The following CASR variants were observed in gnomAD, a reference collection of about 807,000 sequenced individuals.
CASR encodes the protein extracellular calcium-sensing receptor.
In CASR, 23 loss-of-function variants were observed where a neutral mutation model predicts 69.1. The observed-to-expected ratio is 0.33, with a 90% CI of 0.24 to 0.47. The LOEUF is 0.47. Ranked by LOEUF, CASR falls within the 20% of genes least tolerant of loss-of-function variation. The probability of loss-of-function intolerance (pLI) is 1.00; values close to 1 mark genes in which losing one functional copy is unlikely to be tolerated. For missense variants in CASR, 924 were observed against 1,356.1 expected (o/e 0.68, Z 5.00); for synonymous variants, 541 against 544.7 (o/e 0.99, Z 0.10).
At chr3:122,283,580 T>G in intron 6 of CASR, 107 bp from the exon 7 acceptor site, 1 of 842,356 alleles carries the variant, frequency 1.2e-6, no homozygotes, top group Non-Finnish European at 2.0e-6. Flanking sequence ...GGAGAAAATA[T>G]GTAGTGACCA....
rs149747708 is a variant in CASR, at chr3:122,269,818, C to T, written c.1378-5994C>T. 5.3e-5 allele frequency among the ~76,000 whole-genome samples: 8 copies of T among 151,070 alleles called. No individual in the cohort carries two copies. In the East Asian group the frequency reaches 7.7e-4, roughly 15 times the overall value. Reference sequence around the variant, plus strand: ...TTGGCAGCACTCATCAGTGAAGCCACCTTTAGTTGGTTTTCTTTGTGGGAT... The same window carrying T: ...TTGGCAGCACTCATCAGTGAAGCCATCTTTAGTTGGTTTTCTTTGTGGGAT... On this transcript the variant is annotated intron_variant, in intron 4 of 6. Coordinates refer to ENST00000639785, the MANE Select transcript of CASR (RefSeq NM_000388.4).
rs2074953862 is a variant in CASR at position 122,285,078 on chromosome 3, C to T, written c.3124C>T (p.Pro1042Ser). 6.2e-7 allele frequency: 1 copy of T among 1,614,196 alleles called. No homozygotes were observed. Among genetic ancestry groups the T allele is most frequent in the Non-Finnish European group, 8.5e-7 (1 of 1,180,024 alleles). Reference protein sequence around the residue: ...LQGPVGGDQRPEVEDPEELSP... With the variant: ...LQGPVGGDQRSEVEDPEELSP... ...AGGACCTGTGGGTGGAGACCAGCGG[C>T]CAGAGGTGGAGGACCCTGAAGAGTT... Residue 1042 changes from proline (P) to serine (S), a missense_variant, in exon 7 of 7, where the codon CCA (proline) becomes TCA (serine). By Grantham distance (74) the Pro-to-Ser change is moderately conservative (BLOSUM62 -1). Transcript: ENST00000639785.
chr3:122,266,446 T>C (rs945135492), intron 4 of CASR, among the ~76,000 whole-genome samples: 2 of 152,074 alleles, frequency 1.3e-5, no homozygotes, highest in African/African-American at 2.4e-5. Flanking sequence ...TTTTGTTTTT[T>C]TGAGGCAGAG....
intron 4 of CASR, among the ~76,000 whole-genome samples, chr3:122,266,766 A>G (rs1437481105): frequency 6.6e-6 from 1 of 152,146 alleles, no homozygotes; most frequent in Non-Finnish European, 1.5e-5. Context: ...ACACTTTGGG[A>G]GGCCACAGTG....
chr3:122,190,961 C>A (rs2073834059), intron 1 of CASR, among the ~76,000 whole-genome samples: 1 of 152,224 alleles, frequency 6.6e-6, no homozygotes, highest in Admixed American at 6.5e-5. Context: ...GTTAACGTTG[C>A]TGATTCTACT....
intron 1 of CASR, among the ~76,000 whole-genome samples, chr3:122,202,596 C>T (rs1196409328): frequency 6.6e-6 from 1 of 152,140 alleles, no homozygotes; most frequent in Non-Finnish European, 1.5e-5. Context: ...ATTTACATTG[C>T]TGTAACTATC....
In CASR at chr3:122,262,368, A is replaced by G. The variant is rs12493789; in HGVS notation, c.1333A>G (p.Thr445Ala). Reference sequence around the variant, plus strand: ...CTGCTTACCTGGGAGAGGGCTCTTCACCAATGGCTCCTGTGCAGACATCAA... The same window carrying G: ...CTGCTTACCTGGGAGAGGGCTCTTCGCCAATGGCTCCTGTGCAGACATCAA... ...YTCLPGRGLF[T>A]NGSCADIKKV... Residue 445 changes from threonine (T) to alanine (A), a missense_variant, in exon 4 of 7, where the codon ACC becomes GCC. Physicochemically the swap from Thr to Ala is moderately conservative, Grantham distance 58. Coordinates refer to ENST00000639785, the MANE Select transcript of CASR (RefSeq NM_000388.4). 8.0e-3 allele frequency: 12,870 copies of G among 1,613,882 alleles called. 1,513 individuals carry two copies. The Admixed American group carries it at 0.2, about 25-fold the overall frequency.
At chr3:122,256,986 C>A in intron 2 of CASR, 95 bp from the exon 3 acceptor site, 1 of 990,186 alleles carries the variant, frequency 1.0e-6, no homozygotes, top group Non-Finnish European at 1.6e-6. Context: ...AGAGTAGTAA[C>A]AGTTCGATGA....
Position 122,285,742 on chromosome 3 carries a change from A to C in CASR, c.*551A>C. 1 of 172,274 alleles carries C rather than the reference A, an allele frequency of 5.8e-6. No individual in the cohort carries two copies. The highest frequency in any genetic ancestry group is 1.4e-4 in the East Asian group (1 of 7,018). The allele number at this position is 172,274 out of a possible 1,614,324, so 10.7% of individuals were successfully genotyped here. A position where few individuals can be genotyped will look rare whatever the true frequency, so the allele number is the denominator to read the frequency against. ...ATTATGTAACATCCAGAAGGTTTGCACCCCTCCTATACCATATGTCTGCTT... is the reference window on the plus strand; with the variant it reads ...ATTATGTAACATCCAGAAGGTTTGCCCCCCTCCTATACCATATGTCTGCTT... On this transcript the variant is annotated 3_prime_UTR_variant, in exon 7 of 7. Coordinates refer to ENST00000639785, the MANE Select transcript of CASR (RefSeq NM_000388.4).
At position 122,289,000 on chromosome 3, in the gene CASR, T is replaced by C. The variant is rs932146419; in HGVS notation, c.*3809T>C. The C allele has an allele frequency of 3.3e-5, 5 of 152,170 alleles. No individual in the cohort carries two copies. Among genetic ancestry groups the C allele is most frequent in the Non-Finnish European group, 5.9e-5 (4 of 68,030 alleles). The allele number at this position is 152,170 out of a possible 1,614,324, so 9.4% of individuals were successfully genotyped here. On this transcript the variant is annotated 3_prime_UTR_variant, in exon 7 of 7. Transcript: ENST00000639785. Reference sequence around the variant, plus strand: ...CTATGATCGTCACACGTTGTCTAATTGCATTAATTTTGATTTTGGGGAAGT... The same window carrying C: ...CTATGATCGTCACACGTTGTCTAATCGCATTAATTTTGATTTTGGGGAAGT...
rs758877487 is a variant in CASR, at chr3:122,257,228, C to T, written c.333C>T (p.Thr111=). ...CNTVSKALEA[T]LSFVAQNKID... ...CCGTTTCTAAGGCCTTGGAAGCCAC[C>T]CTGAGTTTTGTTGCTCAAAACAAAA... Residue 111 remains threonine, a synonymous_variant, in exon 3 of 7, where the codon ACC becomes ACT. Transcript: ENST00000639785. 1.9e-6 allele frequency: 3 copies of T among 1,614,142 alleles called. No homozygotes were observed. In the East Asian group the frequency reaches 6.7e-5, roughly 36 times the overall value.
At chr3:122,184,829 C>G (rs1317483470) in intron 1 of CASR, among the ~76,000 whole-genome samples, 2 of 152,234 alleles carry the variant, frequency 1.3e-5, no homozygotes, top group Non-Finnish European at 2.9e-5. Flanking sequence ...GTGCCTCTGC[C>G]TTGTTTCTGC....
intron 1 of CASR, among the ~76,000 whole-genome samples, chr3:122,209,254 A>G (rs1416547500): frequency 6.6e-6 from 1 of 152,218 alleles, no homozygotes; most frequent in Non-Finnish European, 1.5e-5. Flanking sequence ...ACACTAAAAA[A>G]AAGCCCAGGA....
In CASR at chr3:122,284,133, C is replaced by T. The variant is rs1177992998; in HGVS notation, c.2179C>T (p.Leu727=). 2 of 1,613,818 alleles carry T rather than the reference C, an allele frequency of 1.2e-6. No individual in the cohort carries two copies. Among genetic ancestry groups the T allele is most frequent in the South Asian group, 1.1e-5 (1 of 91,056 alleles). Residue 727 remains leucine, a synonymous_variant, in exon 7 of 7, where the codon CTG becomes TTG. Coordinates refer to ENST00000639785, the MANE Select transcript of CASR (RefSeq NM_000388.4). ...KWWGLNLQFL[L]VFLCTFMQIV... is the part of the protein sequence containing the mutation. ...GTGGGGGCTCAACCTGCAGTTCCTGCTGGTTTTCCTCTGCACCTTCATGCA... is the reference window on the plus strand; with the variant it reads ...GTGGGGGCTCAACCTGCAGTTCCTGTTGGTTTTCCTCTGCACCTTCATGCA...
In CASR at chr3:122,254,101, C is replaced by T; in HGVS notation, c.-89C>T. On this transcript the variant is annotated 5_prime_UTR_variant, in exon 2 of 7. Transcript: ENST00000639785. ...AATCTGTAGACATGTGTCCCCACTG[C>T]AGGGAGTGAACTGCTCCAAGGGAGA... 1 of 1,134,954 alleles carries T rather than the reference C, an allele frequency of 8.8e-7. No individual in the cohort carries two copies. The highest frequency in any genetic ancestry group is 1.3e-6 in the Non-Finnish European group (1 of 746,628). The allele number at this position is 1,134,954 out of a possible 1,614,324, so 70.3% of individuals were successfully genotyped here. A position where few individuals can be genotyped will look rare whatever the true frequency, so the allele number is the denominator to read the frequency against.
At chr3:122,222,802 A>G (rs1404791247) in intron 1 of CASR, among the ~76,000 whole-genome samples, 1 of 151,430 alleles carries the variant, frequency 6.6e-6, no homozygotes, top group African/African-American at 2.4e-5. Flanking sequence ...CTCTAAATCA[A>G]CCACATGCTT....
intron 4 of CASR, among the ~76,000 whole-genome samples, chr3:122,263,048 G>T (rs1229332996): frequency 6.6e-6 from 1 of 152,194 alleles, no homozygotes; most frequent in African/African-American, 2.4e-5. Flanking sequence ...GCCTTGTTTT[G>T]TATTTTTGAA....
At chr3:122,259,072 T>TA (rs1348619055) in intron 3 of CASR, among the ~76,000 whole-genome samples, 1 of 151,802 alleles carries the variant, frequency 6.6e-6, no homozygotes, top group African/African-American at 2.4e-5. Context: ...CCTCTTACAA[T>TA]AAAAAAAAGT....
At chr3:122,196,505 TG>T (rs757074069) in intron 1 of CASR, among the ~76,000 whole-genome samples, 10 of 152,046 alleles carry the variant, frequency 6.6e-5, no homozygotes, top group Admixed American at 2.0e-4. Context: ...TTTTTGGTTT[TG>T]GTTTTTGGGG....
Sources: allele counts gnomAD v4.1 joint callset (sites outside exome capture counted in the v4.1 genomes callset), GRCh38; gene constraint gnomAD v4.1.1; transcripts MANE v1.5; gene names NCBI Gene and HGNC (gene_info 2026-07-23, HGNC 2026-07-21).